Variants in SRBD1 observed in about 807,000 individuals in gnomAD.
SRBD1 encodes the protein S1 RNA binding domain 1, also known as S1 RNA-binding domain-containing protein 1.
In SRBD1, 88 loss-of-function variants were observed where a neutral mutation model predicts 115.3. The ratio of observed to expected loss-of-function variants is 0.76; its 90% CI spans 0.64 to 0.91. The LOEUF (loss-of-function observed/expected upper bound fraction) is 0.91. Among genes scored for constraint, SRBD1 ranks in the 40% least tolerant of loss-of-function variants. SRBD1 has a pLI of 0.00. For synonymous variants in SRBD1, 509 were observed against 407.7 expected (o/e 1.25, Z -2.99); for missense variants, 1,385 against 1,177.4 (o/e 1.18, Z -2.58).
chr2:45,491,046 G>A (rs959020610), intron 14 of SRBD1, among the ~76,000 whole-genome samples: 1 of 152,090 alleles, frequency 6.6e-6, no homozygotes, highest in African/African-American at 2.4e-5. Flanking sequence ...AAGTATATGT[G>A]ACTAGAATTA....
intron 16 of SRBD1, among the ~76,000 whole-genome samples, chr2:45,428,252 T>A (rs1409354670): frequency 2.0e-5 from 3 of 152,160 alleles, no homozygotes; most frequent in Non-Finnish European, 4.4e-5. Flanking sequence ...GAATGACTAC[T>A]GGATAAATAA....
chr2:45,567,252 C>G (rs182306215), intron 9 of SRBD1, among the ~76,000 whole-genome samples: 1 of 152,004 alleles, frequency 6.6e-6, no homozygotes, highest in Admixed American at 6.5e-5. Flanking sequence ...GGACTTTTTT[C>G]TTTTCTTATA....
At chr2:45,588,604 G>C (rs1673619926) in intron 4 of SRBD1, among the ~76,000 whole-genome samples, 1 of 152,030 alleles carries the variant, frequency 6.6e-6, no homozygotes, top group Non-Finnish European at 1.5e-5. Flanking sequence ...TGGCTTGACA[G>C]CACTTGACCC....
chr2:45,409,254 A>C (rs13015767), intron 19 of SRBD1, among the ~76,000 whole-genome samples: 117,770 of 150,592 alleles, frequency 0.78, 46,703 homozygotes, highest in African/African-American at 0.88. Flanking sequence ...CCCTCCCCCC[A>C]AAAAAAGATA....
intron 5 of SRBD1, 22 bp from the exon 6 acceptor site, chr2:45,581,832 A>C: frequency 1.3e-6 from 2 of 1,569,680 alleles, no homozygotes; most frequent in Non-Finnish European, 1.7e-6. Context: ...AACTTTTGTA[A>C]TATACCAAAA....
At chr2:45,403,662 T>C (rs117777706) in intron 19 of SRBD1, among the ~76,000 whole-genome samples, 1,529 of 152,252 alleles carry the variant, frequency 0.01, 40 homozygotes, top group East Asian at 0.05. Context: ...ACAAGGACAA[T>C]TGAAGGAGCT....
intron 15 of SRBD1, among the ~76,000 whole-genome samples, chr2:45,480,262 T>A (rs1012841023): frequency 1.6e-4 from 25 of 152,188 alleles, no homozygotes; most frequent in Admixed American, 2.6e-4. Context: ...AAGAAATGCA[T>A]TTTGTAAGGC....
At chr2:45,601,799 G>C in intron 3 of SRBD1, 104 bp downstream of exon 3, 1 of 1,463,726 alleles carries the variant, frequency 6.8e-7, no homozygotes. Context: ...ATTGCTGGCA[G>C]TTTTTGTCAT....
intron 14 of SRBD1, among the ~76,000 whole-genome samples, chr2:45,537,907 G>A (rs914717536): frequency 6.6e-6 from 1 of 152,158 alleles, no homozygotes; most frequent in African/African-American, 2.4e-5. Context: ...AAAGAGAATA[G>A]GTGCAAGCCT....
rs1667659541 is a variant in SRBD1, at chr2:45,413,258, A to C, written c.2369T>G (p.Val790Gly). The C allele has an allele frequency of 6.2e-7, 1 of 1,613,816 alleles. No homozygotes were observed. Among genetic ancestry groups the C allele is most frequent in the Non-Finnish European group, 8.5e-7 (1 of 1,179,930 alleles). ...AACGTCTGCTGAAGATGTCACAGCA[A>C]CTCCTTGAATTTGGCCTGAAGTTTC... Reference protein sequence around the residue: ...QTETSGQIQGVAVTSSADVEV... With the variant: ...QTETSGQIQGGAVTSSADVEV... Residue 790 changes from valine (V) to glycine (G), a missense_variant, in exon 19 of 21, where the codon GTT becomes GGT. Physicochemically the swap from Val to Gly is moderately radical, Grantham distance 109. Transcript: ENST00000263736.
chr2:45,514,984 T>C (rs1671076123), intron 14 of SRBD1, among the ~76,000 whole-genome samples: 1 of 152,204 alleles, frequency 6.6e-6, no homozygotes, highest in African/African-American at 2.4e-5. Context: ...AATCACTGGA[T>C]GTCACTTTTT....
chr2:45,417,608 C>T (rs1030654613), intron 18 of SRBD1, among the ~76,000 whole-genome samples: 11 of 152,272 alleles, frequency 7.2e-5, no homozygotes, highest in African/African-American at 2.4e-4. Flanking sequence ...CCCAAAGTAG[C>T]AGATACGTAA....
chr2:45,515,866 G>C (rs1448875854), intron 14 of SRBD1, among the ~76,000 whole-genome samples: 1 of 152,122 alleles, frequency 6.6e-6, no homozygotes, highest in East Asian at 1.9e-4. Context: ...TCATCAGTAG[G>C]CAGGTCATAA....
intron 1 of SRBD1, among the ~76,000 whole-genome samples, chr2:45,608,589 C>G (rs1254097875): frequency 6.6e-6 from 1 of 152,106 alleles, no homozygotes; most frequent in Non-Finnish European, 1.5e-5. Context: ...CCGATGTCAC[C>G]TACTTATTAA....
At chr2:45,464,138 T>C (rs148264358) in intron 16 of SRBD1, among the ~76,000 whole-genome samples, 12 of 151,912 alleles carry the variant, frequency 7.9e-5, no homozygotes, top group Non-Finnish European at 1.2e-4. Flanking sequence ...GAAATGGAGA[T>C]GTATGCTAAA....
At chr2:45,603,689 C>G (rs1355708730) in intron 2 of SRBD1, among the ~76,000 whole-genome samples, 1 of 151,984 alleles carries the variant, frequency 6.6e-6, no homozygotes, top group Non-Finnish European at 1.5e-5. Context: ...GCCACCATGC[C>G]TGGCTAATTT....
chr2:45,556,448 C>CTTTT (rs59284495), intron 10 of SRBD1, among the ~76,000 whole-genome samples: 2,059 of 78,834 alleles, frequency 0.026, 505 homozygotes, highest in African/African-American at 0.058. Context: ...TGCTCTATTA[C>CTTTT]TTTTTTTTTT....
rs1183630041 is a variant in SRBD1, at chr2:45,599,574, TAA to T, written c.521_522del (p.Phe174TyrfsTer13). On this transcript the variant is annotated frameshift_variant, in exon 4 of 21. Transcript: ENST00000263736. LOFTEE classifies it high-confidence loss of function. ...TTCTTTAAAGCGGACTGACCAAATGTAAAGTCATCGTCATTCTCTTCCTTCTT... is the reference window on the plus strand; with the variant it reads ...TTCTTTAAAGCGGACTGACCAAATGTAGTCATCGTCATTCTCTTCCTTCTT... ...TCKKEENDDD[F>X]TFGQSALKKI... 1.2e-6 allele frequency: 2 copies of T among 1,614,108 alleles called. No individual in the cohort carries two copies. Among genetic ancestry groups the T allele is most frequent in the African/African-American group, 2.7e-5 (2 of 74,932 alleles).
Position 45,519,674 on chromosome 2 carries a change from C to T in SRBD1, c.1874+27058G>A, listed in dbSNP as rs577935781. Among the ~76,000 whole-genome samples the T allele has an allele frequency of 4.6e-5, 7 of 152,220 alleles. No homozygotes were observed. In the South Asian group the frequency reaches 1.2e-3, roughly 27 times the overall value. On this transcript the variant is annotated intron_variant, in intron 14 of 20. Transcript: ENST00000263736. ...TCCCTTCTTCTAACTCAGGCACATACATTATGTGATTTTTTAAAAATTTTT... is the reference window on the plus strand; with the variant it reads ...TCCCTTCTTCTAACTCAGGCACATATATTATGTGATTTTTTAAAAATTTTT...
Sources: allele counts gnomAD v4.1 joint callset (sites outside exome capture counted in the v4.1 genomes callset), GRCh38; gene constraint gnomAD v4.1.1; transcripts MANE v1.5; gene names NCBI Gene and HGNC (gene_info 2026-07-23, HGNC 2026-07-21).